UGT1A9: variants seen among roughly 807,000 people sequenced by gnomAD.
The protein encoded by UGT1A9 is UDP glucuronosyltransferase family 1 member A9.
UGT1A9 carries 35 observed loss-of-function variants against 45.0 expected under a neutral mutation model. The ratio of observed to expected loss-of-function variants is 0.78; its 90% CI spans 0.59 to 1.03. The LOEUF (loss-of-function observed/expected upper bound fraction) is 1.03. Among genes scored for constraint, UGT1A9 ranks in the 50% least tolerant of loss-of-function variants. The pLI is 0.00. For missense variants in UGT1A9, 687 were observed against 666.6 expected, an observed-to-expected ratio of 1.03 and a Z score of -0.34; for synonymous variants, 278 against 250.6, an observed-to-expected ratio of 1.11 and a Z score of -1.03.
rs575083074 is a variant in UGT1A9, at chr2:233,732,492, C to T, written c.856-34542C>T. ...ATCTGGAATTAATTTTTGTATAAGGCGTAAGGAAGGGATCCTGTTCCAGCT... is the reference window on the plus strand; with the variant it reads ...ATCTGGAATTAATTTTTGTATAAGGTGTAAGGAAGGGATCCTGTTCCAGCT... On this transcript the variant is annotated intron_variant, in intron 1 of 4. Transcript: ENST00000354728. 1.1e-3 allele frequency among the ~76,000 whole-genome samples: 168 copies of T among 152,214 alleles called. 2 individuals are homozygous for T. Among genetic ancestry groups the T allele is most frequent in the Middle Eastern group, 0.01 (3 of 294 alleles).
intron 1 of UGT1A9, chr2:233,740,766 G>T (rs189465133): frequency 6.6e-6 from 1 of 151,710 alleles, no homozygotes; most frequent in Admixed American, 6.5e-5. Context: ...TTATCAAACC[G>T]TTGTATAAAA....
intron 1 of UGT1A9, among the ~76,000 whole-genome samples, chr2:233,724,860 T>G (rs1312826202): frequency 3.2e-5 from 4 of 126,790 alleles, no homozygotes; most frequent in Non-Finnish European, 6.4e-5. Flanking sequence ...CTGGGAGGTG[T>G]AGGTTGTAGT....
intron 1 of UGT1A9, chr2:233,691,405 T>C: frequency 1.0e-6 from 1 of 985,594 alleles, no homozygotes; most frequent in Non-Finnish European, 1.2e-6. Context: ...GCCCTGTCCT[T>C]GGAGTGGCCC....
intron 1 of UGT1A9, chr2:233,693,705 C>A: frequency 1.9e-6 from 3 of 1,614,214 alleles, no homozygotes; most frequent in Non-Finnish European, 2.5e-6. Flanking sequence ...GAACTCGCAT[C>A]AGCTGTCCTC....
intron 1 of UGT1A9, among the ~76,000 whole-genome samples, chr2:233,681,267 C>T (rs2074516527): frequency 1.3e-5 from 2 of 152,010 alleles, no homozygotes; most frequent in South Asian, 4.2e-4. Flanking sequence ...GGTGTAGTGG[C>T]TCACGCCTGT....
At chr2:233,682,769 C>T (rs2074598452) in intron 1 of UGT1A9, 1 of 1,613,580 alleles carries the variant, frequency 6.2e-7, no homozygotes, top group African/African-American at 1.3e-5. Flanking sequence ...TATCAACTGT[C>T]ATCAGGGAAA....
Position 233,772,456 on chromosome 2 carries a change from T to G in UGT1A9, c.1490T>G (p.Leu497Arg). The G allele has an allele frequency of 6.2e-7, 1 of 1,614,218 alleles. No individual in the cohort carries two copies. ...DVIGFLLAVV[L>R]TVAFITFKCC... ...ATTGGTTTCCTCTTGGCCGTCGTGC[T>G]GACAGTGGCCTTCATCACCTTTAAA... Residue 497 changes from leucine to arginine, a missense_variant, in exon 5 of 5, where the codon CTG becomes CGG. Physicochemically the swap from Leu to Arg is moderately radical, Grantham distance 102. Transcript: ENST00000354728.
chr2:233,693,801 C>T (rs774342774), intron 1 of UGT1A9: 45 of 1,614,038 alleles, frequency 2.8e-5, no homozygotes, highest in Non-Finnish European at 3.3e-5. Flanking sequence ...TATCCTAGGC[C>T]GGTCATGCCC....
chr2:233,729,144 G>C, intron 1 of UGT1A9: 1 of 1,613,472 alleles, frequency 6.2e-7, no homozygotes, highest in Non-Finnish European at 8.5e-7. Flanking sequence ...CAGGACTCCA[G>C]GTTCCCCTGC....
chr2:233,691,655 C>T (rs1025228632), intron 1 of UGT1A9: 1 of 984,752 alleles, frequency 1.0e-6, no homozygotes, highest in African/African-American at 1.8e-5. Context: ...GTGTGACCCT[C>T]CCTTTCTGGG....
chr2:233,674,620 T>C (rs1208865463), intron 1 of UGT1A9, among the ~76,000 whole-genome samples: 3 of 150,008 alleles, frequency 2.0e-5, no homozygotes, highest in Non-Finnish European at 4.4e-5. Flanking sequence ...AAACTATATA[T>C]GGTTTCATTT....
intron 1 of UGT1A9, among the ~76,000 whole-genome samples, chr2:233,676,581 A>C (rs1160046946): frequency 6.6e-6 from 1 of 152,118 alleles, no homozygotes; most frequent in Non-Finnish European, 1.5e-5. Flanking sequence ...TACCACCTGA[A>C]ATGTAGTCAT....
At chr2:233,747,966 G>C in intron 1 of UGT1A9, 17 of 1,613,448 alleles carry the variant, frequency 1.1e-5, no homozygotes, top group Non-Finnish European at 1.4e-5. Context: ...TCTCAGCCAT[G>C]CATCTGTGTG....
chr2:233,755,835 G>A (rs1438571974), intron 1 of UGT1A9: 4 of 152,284 alleles, frequency 2.6e-5, no homozygotes, highest in Non-Finnish European at 5.9e-5. Context: ...TATTCATTGG[G>A]CAATTTAAGA....
intron 1 of UGT1A9, among the ~76,000 whole-genome samples, chr2:233,757,699 C>A (rs572469741): frequency 4.0e-5 from 6 of 151,562 alleles, no homozygotes; most frequent in Non-Finnish European, 8.8e-5. Context: ...AGGAAGGTGG[C>A]TTTGCTTCCC....
At chr2:233,745,089 C>G (rs542765504) in intron 1 of UGT1A9, among the ~76,000 whole-genome samples, 1 of 151,738 alleles carries the variant, frequency 6.6e-6, no homozygotes, top group Admixed American at 6.5e-5. Flanking sequence ...ATTGCTCTTC[C>G]CCCCAAATAT....
At position 233,696,719 on chromosome 2, in the gene UGT1A9, G is replaced by A. The variant is rs112627579; in HGVS notation, c.855+23930G>A. ...TCTTATTCCAGATTTTAGAGGAACA[G>A]TTTTCAGTTTTACCCTTTTCAGTAT... is the stretch of plus-strand genomic sequence containing the variant. On this transcript the variant is annotated intron_variant, in intron 1 of 4. Transcript: ENST00000354728. Among the ~76,000 whole-genome samples, 287 of 152,106 alleles carry A rather than the reference G, an allele frequency of 1.9e-3. 1 individual carries two copies. The highest frequency in any genetic ancestry group is 6.8e-3 in the African/African-American group (283 of 41,504).
In UGT1A9 at chr2:233,737,609, G is replaced by A. The variant is rs563155161; in HGVS notation, c.856-29425G>A. Among the ~76,000 whole-genome samples, 4 of 152,288 alleles carry A rather than the reference G, an allele frequency of 2.6e-5. No individual in the cohort carries two copies. In the East Asian group the frequency reaches 7.7e-4, roughly 29 times the overall value. On this transcript the variant is annotated intron_variant, in intron 1 of 4. Transcript: ENST00000354728. Reference sequence around the variant, plus strand: ...ATGAGATGAACCAGGTACCTCAGTTGGAAATGCAGAAATCATCCATCTTCT... The same window carrying A: ...ATGAGATGAACCAGGTACCTCAGTTAGAAATGCAGAAATCATCCATCTTCT...
At chr2:233,748,948 C>T (rs1323524016) in intron 1 of UGT1A9, among the ~76,000 whole-genome samples, 1 of 151,628 alleles carries the variant, frequency 6.6e-6, no homozygotes, top group Non-Finnish European at 1.5e-5. Context: ...CCACCCTATC[C>T]CACTCCAAGT....
Sources: allele counts gnomAD v4.1 joint callset (sites outside exome capture counted in the v4.1 genomes callset), GRCh38; gene constraint gnomAD v4.1.1; transcripts MANE v1.5; gene names NCBI Gene and HGNC (gene_info 2026-07-23, HGNC 2026-07-21).